FOXP1: variants seen among roughly 807,000 people sequenced by gnomAD.
FOXP1 encodes the protein forkhead box protein P1.
A neutral mutation model predicts 98.2 loss-of-function variants in FOXP1; 15 were observed. The observed-to-expected ratio is 0.15, with a 90% CI of 0.10 to 0.24. The LOEUF (loss-of-function observed/expected upper bound fraction) is 0.24, where lower values mean the gene tolerates loss of function less well. Among genes scored for constraint, FOXP1 ranks in the 10% least tolerant of loss-of-function variants. The pLI is 1.00. For synonymous variants in FOXP1, 371 were observed against 314.5 expected (o/e 1.18, Z -1.90); for missense variants, 633 against 848.5 (o/e 0.75, Z 3.15).
At chr3:71,575,775 G>A (rs1056391447) in intron 2 of FOXP1, among the ~76,000 whole-genome samples, 1 of 152,224 alleles carries the variant, frequency 6.6e-6, no homozygotes, top group African/African-American at 2.4e-5. Context: ...TAAGCTCAAA[G>A]AACATATGTT....
At chr3:71,221,571 T>C (rs942118551) in intron 5 of FOXP1, among the ~76,000 whole-genome samples, 1 of 152,210 alleles carries the variant, frequency 6.6e-6, no homozygotes, top group Non-Finnish European at 1.5e-5. Flanking sequence ...CTGAAACCTG[T>C]GTCTTCCAGG....
At chr3:71,384,359 A>C (rs1267348776) in intron 3 of FOXP1, among the ~76,000 whole-genome samples, 1 of 152,226 alleles carries the variant, frequency 6.6e-6, no homozygotes, top group Non-Finnish European at 1.5e-5. Flanking sequence ...TTGTGGAAAG[A>C]AGCTAATTTC....
At chr3:71,126,407 T>G (rs1182059703) in intron 6 of FOXP1, among the ~76,000 whole-genome samples, 1 of 151,940 alleles carries the variant, frequency 6.6e-6, no homozygotes, top group African/African-American at 2.4e-5. Context: ...GAGAATGGCG[T>G]GAACCCGGAA....
rs1331089505 is a variant in FOXP1 at position 70,969,714 on chromosome 3, A to ATGGTCCTT, written c.1722+1014_1722+1021dup. On this transcript the variant is annotated intron_variant, in intron 19 of 20. Transcript: ENST00000649528. ...AAATGTTCATATTTGCTCAAGTATTATGGTCCTTTGGAAGGACACAAGACA... is the reference window on the plus strand; with the variant it reads ...AAATGTTCATATTTGCTCAAGTATTATGGTCCTTTGGTCCTTTGGAAGGACACAAGACA... 3.9e-5 allele frequency: 6 copies of ATGGTCCTT among 152,180 alleles called. No homozygotes were observed. In the East Asian group the frequency reaches 1.2e-3, roughly 29 times the overall value. The allele number at this position is 152,180 out of a possible 1,614,324, so 9.4% of individuals were successfully genotyped here. A position where few individuals can be genotyped will look rare whatever the true frequency, so the allele number is the denominator to read the frequency against.
chr3:71,204,793 A>C lies in FOXP1; in HGVS notation c.-11-6401T>G, dbSNP rs2063913860. On this transcript the variant is annotated intron_variant, in intron 5 of 20. Coordinates refer to ENST00000649528, the MANE Select transcript of FOXP1 (RefSeq NM_001349338.3). The stretch of plus-strand genomic sequence containing the variant: ...TAGATGGGAGGAGAAAGAACAAAAC[A>C]AGAGAAACAGAGTTAGATCAGACAA... Among the ~76,000 whole-genome samples, 3 of 152,196 alleles carry C rather than the reference A, an allele frequency of 2.0e-5. 1 individual carries two copies. In the South Asian group the frequency reaches 6.2e-4, roughly 32 times the overall value.
At chr3:71,302,585 A>C (rs1284212542) in intron 4 of FOXP1, 2 of 151,496 alleles carry the variant, frequency 1.3e-5, no homozygotes, top group African/African-American at 4.8e-5. Flanking sequence ...TCTTTTAAAA[A>C]ATGCTGTCTC....
chr3:71,305,461 C>T (rs1385779134), intron 4 of FOXP1, among the ~76,000 whole-genome samples: 3 of 152,134 alleles, frequency 2.0e-5, no homozygotes, highest in Admixed American at 1.3e-4. Context: ...TTTCCTATTC[C>T]GGCACAGACC....
intron 2 of FOXP1, among the ~76,000 whole-genome samples, chr3:71,520,296 T>C (rs887879695): frequency 5.9e-5 from 9 of 152,056 alleles, no homozygotes; most frequent in African/African-American, 2.2e-4. Flanking sequence ...CGGGAAGGAG[T>C]TCACATTTTT....
chr3:71,199,815 C>T (rs572184730), intron 5 of FOXP1, among the ~76,000 whole-genome samples: 41 of 151,876 alleles, frequency 2.7e-4, no homozygotes, highest in East Asian at 1.4e-3. Context: ...CGGTGGCTCA[C>T]GCCTGTAATC....
chr3:71,040,829 A>G (rs1042436894), intron 11 of FOXP1, among the ~76,000 whole-genome samples: 8 of 152,194 alleles, frequency 5.3e-5, no homozygotes, highest in Non-Finnish European at 1.2e-4. Flanking sequence ...ACCTTCACTC[A>G]GAATACATAC....
chr3:71,096,852 T>G (rs928028252), intron 7 of FOXP1, among the ~76,000 whole-genome samples: 7 of 152,294 alleles, frequency 4.6e-5, no homozygotes, highest in Admixed American at 3.9e-4. Context: ...GCTGTGGCCA[T>G]TTTCCTGAAT....
At chr3:71,033,778 G>A (rs1323315254) in intron 11 of FOXP1, among the ~76,000 whole-genome samples, 1 of 152,128 alleles carries the variant, frequency 6.6e-6, no homozygotes, top group African/African-American at 2.4e-5. Flanking sequence ...TCCCAAAAGT[G>A]ATTGGTTTTA....
intron 4 of FOXP1, among the ~76,000 whole-genome samples, chr3:71,312,356 T>A (rs1027195568): frequency 6.6e-6 from 1 of 152,170 alleles, no homozygotes; most frequent in Non-Finnish European, 1.5e-5. Flanking sequence ...GAGGTATAGA[T>A]AATTTTTTTA....
chr3:71,189,585 CCTCT>C (rs1047785215), intron 6 of FOXP1, among the ~76,000 whole-genome samples: 1 of 152,162 alleles, frequency 6.6e-6, no homozygotes, highest in African/African-American at 2.4e-5. Flanking sequence ...CTTCCCCATG[CCTCT>C]CTCTTTCTGT....
chr3:71,504,661 ATGTGG>A (rs1187862749), intron 2 of FOXP1, among the ~76,000 whole-genome samples: 4 of 152,110 alleles, frequency 2.6e-5, no homozygotes, highest in Non-Finnish European at 5.9e-5. Flanking sequence ...GTGTGGAATG[ATGTGG>A]TTTGGAAATG....
At chr3:71,430,951 G>A (rs2084659067) in intron 3 of FOXP1, among the ~76,000 whole-genome samples, 1 of 152,024 alleles carries the variant, frequency 6.6e-6, no homozygotes, top group African/African-American at 2.4e-5. Flanking sequence ...GTACCAATGG[G>A]CCCCTCCAAT....
intron 5 of FOXP1, among the ~76,000 whole-genome samples, chr3:71,247,739 A>G (rs944419598): frequency 6.6e-6 from 1 of 152,170 alleles, no homozygotes; most frequent in Non-Finnish European, 1.5e-5. Context: ...CTCCACTCTC[A>G]GTCCTAATGG....
intron 12 of FOXP1, among the ~76,000 whole-genome samples, chr3:71,010,505 C>T (rs935085848): frequency 6.6e-6 from 1 of 152,102 alleles, no homozygotes; most frequent in African/African-American, 2.4e-5. Context: ...AGGTTCAGTA[C>T]TATTTAATTA....
chr3:71,235,279 C>T (rs141302892), intron 5 of FOXP1, among the ~76,000 whole-genome samples: 1 of 152,158 alleles, frequency 6.6e-6, no homozygotes, highest in Non-Finnish European at 1.5e-5. Context: ...TAAAATTATG[C>T]TTTCCCTAGA....
Sources: gnomAD v4.1 joint callset for allele counts (sites outside exome capture counted in the v4.1 genomes callset) on GRCh38, gnomAD v4.1.1 for gene constraint, MANE v1.5 for transcripts, NCBI Gene and HGNC (gene_info 2026-07-23, HGNC 2026-07-21) for gene names.